Variants in PGBD5 observed in about 807,000 individuals in gnomAD.
PGBD5 encodes piggyBac transposable element-derived protein 5.
In PGBD5, 14 loss-of-function variants were observed where a neutral mutation model predicts 47.9. The ratio of observed to expected loss-of-function variants is 0.29; its 90% CI spans 0.19 to 0.46. The LOEUF is 0.46. PGBD5 is among the 20% of genes least tolerant of loss of function. PGBD5 has a pLI of 1.00. For missense variants in PGBD5, 635 were observed against 716.0 expected (o/e 0.89, Z 1.29); for synonymous variants, 316 against 306.3 (o/e 1.03, Z -0.33).
At chr1:230,350,845 A>C (rs1270648859) in intron 3 of PGBD5, 113 bp downstream of exon 3, 1 of 1,437,794 alleles carries the variant, frequency 7.0e-7, no homozygotes, top group African/African-American at 1.4e-5. Flanking sequence ...ACTTGGACCC[A>C]CAGTGAAAAG....
chr1:230,391,727 T>C (rs1490899266), intron 1 of PGBD5, among the ~76,000 whole-genome samples: 1 of 152,228 alleles, frequency 6.6e-6, no homozygotes, highest in Non-Finnish European at 1.5e-5. Context: ...TAGGAGGATA[T>C]GCTATTTCCA....
intron 1 of PGBD5, among the ~76,000 whole-genome samples, chr1:230,424,802 G>A (rs1657735985): frequency 6.6e-6 from 1 of 152,216 alleles, no homozygotes; most frequent in Non-Finnish European, 1.5e-5. Flanking sequence ...CGGAGCTTCT[G>A]CAGAGGAAGT....
chr1:230,319,416 A>C lies in PGBD5; in HGVS notation c.*4009T>G, dbSNP rs1005420013. 6 of 151,850 alleles carry C rather than the reference A, an allele frequency of 4.0e-5. No homozygotes were observed. The highest frequency in any genetic ancestry group is 4.4e-5 in the Non-Finnish European group (3 of 67,966). The allele number at this position is 151,850 out of a possible 1,614,324, so 9.4% of individuals were successfully genotyped here. ...CTTGTTCTCGCCCCAATCCCAGGCAAGTGGGGAAATGTTTTTTTTTTGCCA... is the reference window on the plus strand; with the variant it reads ...CTTGTTCTCGCCCCAATCCCAGGCACGTGGGGAAATGTTTTTTTTTTGCCA... On this transcript the variant is annotated 3_prime_UTR_variant, in exon 7 of 7. Coordinates refer to ENST00000391860, the MANE Select transcript of PGBD5 (RefSeq NM_001258311.2).
Position 230,399,550 on chromosome 1 carries a change from C to T in PGBD5, c.331+26048G>A, listed in dbSNP as rs188430541. Among the ~76,000 whole-genome samples the T allele has an allele frequency of 1.8e-3, 275 of 152,268 alleles. 1 individual carries two copies. Among genetic ancestry groups the T allele is most frequent in the South Asian group, 6.4e-3 (31 of 4,818 alleles). ...AGAAGGCAGGTACATGCCATCTCCT[C>T]GACACCCCTGAATTCAGCCATCATG... is the stretch of plus-strand genomic sequence containing the variant. On this transcript the variant is annotated intron_variant, in intron 1 of 6. Transcript: ENST00000391860.
Position 230,426,063 on chromosome 1 carries a change from C to A in PGBD5, c.-135G>T. 9.5e-6 allele frequency: 3 copies of A among 316,620 alleles called. No individual in the cohort carries two copies. Among genetic ancestry groups the A allele is most frequent in the Non-Finnish European group, 1.4e-5 (3 of 221,674 alleles). 19.6% of individuals were successfully genotyped at this position (316,620 alleles called of 1,614,324 possible). A position where few individuals can be genotyped will look rare whatever the true frequency, so the allele number is the denominator to read the frequency against. On this transcript the variant is annotated 5_prime_UTR_variant, in exon 1 of 7. Coordinates refer to ENST00000391860, the MANE Select transcript of PGBD5 (RefSeq NM_001258311.2). The stretch of plus-strand genomic sequence containing the variant: ...ACAGCGCCCGCCGCCCCGTGCCCGG[C>A]CGGCCCGCCGTCTTGGCCGCCTCGG...
At chr1:230,342,204 A>G (rs1292330384) in intron 3 of PGBD5, among the ~76,000 whole-genome samples, 1 of 152,168 alleles carries the variant, frequency 6.6e-6, no homozygotes, top group Non-Finnish European at 1.5e-5. Context: ...TGATAGTTCC[A>G]CTAAGCTGTT....
chr1:230,361,290 A>C (rs2102709328), intron 1 of PGBD5, among the ~76,000 whole-genome samples: 1 of 152,312 alleles, frequency 6.6e-6, no homozygotes, highest in African/African-American at 2.4e-5. Flanking sequence ...AAAAAAAATT[A>C]AAAAGCAAAG....
intron 1 of PGBD5, among the ~76,000 whole-genome samples, chr1:230,419,553 A>T (rs1657602740): frequency 6.6e-6 from 1 of 152,120 alleles, no homozygotes; most frequent in Non-Finnish European, 1.5e-5. Context: ...CCTGAGTCTA[A>T]AATAAAAGGT....
At chr1:230,372,030 G>T (rs938724738) in intron 1 of PGBD5, among the ~76,000 whole-genome samples, 8 of 152,214 alleles carry the variant, frequency 5.3e-5, no homozygotes, top group African/African-American at 1.7e-4. Flanking sequence ...CCAACACTCA[G>T]TGGCCCGTAT....
chr1:230,337,701 T>C (rs114246386), intron 3 of PGBD5, among the ~76,000 whole-genome samples: 1,734 of 152,328 alleles, frequency 0.011, 38 homozygotes, highest in African/African-American at 0.039. Flanking sequence ...CAAGGTATGT[T>C]CATAATGACT....
intron 5 of PGBD5, among the ~76,000 whole-genome samples, chr1:230,326,766 C>T (rs1485379714): frequency 6.6e-6 from 1 of 152,190 alleles, no homozygotes; most frequent in East Asian, 1.9e-4. Context: ...CGAGCCTCCA[C>T]GCGCAGCCAA....
chr1:230,328,993 C>T (rs910093433), intron 5 of PGBD5, among the ~76,000 whole-genome samples: 3 of 151,790 alleles, frequency 2.0e-5, no homozygotes, highest in African/African-American at 7.3e-5. Flanking sequence ...AGTGCAGTGT[C>T]ACGATCTTGG....
intron 1 of PGBD5, among the ~76,000 whole-genome samples, chr1:230,396,998 TC>T (rs1199869154): frequency 6.6e-6 from 1 of 151,620 alleles, no homozygotes; most frequent in Non-Finnish European, 1.5e-5. Flanking sequence ...GCCTTGGGGG[TC>T]CTTTCTAAGG....
chr1:230,362,077 T>C (rs185453436), intron 1 of PGBD5, among the ~76,000 whole-genome samples: 1 of 152,352 alleles, frequency 6.6e-6, no homozygotes, highest in East Asian at 1.9e-4. Flanking sequence ...CATGAGGGTC[T>C]GGTCACTGTC....
intron 1 of PGBD5, chr1:230,362,517 C>T: frequency 8.6e-7 from 1 of 1,156,206 alleles, no homozygotes; most frequent in South Asian, 1.6e-5. Context: ...GCATCACCTT[C>T]TGGGGGAACC....
At chr1:230,325,273 G>A (rs745460876) in intron 6 of PGBD5, 37 bp downstream of exon 6, 1 of 1,449,116 alleles carries the variant, frequency 6.9e-7, no homozygotes, top group Non-Finnish European at 9.6e-7. Flanking sequence ...GCACAACTAT[G>A]AGAGCCCTTC....
At chr1:230,404,128 CTG>C (rs2102743771) in intron 1 of PGBD5, among the ~76,000 whole-genome samples, 1 of 152,184 alleles carries the variant, frequency 6.6e-6, no homozygotes, top group South Asian at 2.1e-4. Context: ...AGCTATGAGA[CTG>C]TGAGGGTGCA....
intron 1 of PGBD5, among the ~76,000 whole-genome samples, chr1:230,384,685 A>G (rs1656592788): frequency 6.6e-6 from 1 of 152,228 alleles, no homozygotes; most frequent in Non-Finnish European, 1.5e-5. Flanking sequence ...GAACAAGAGC[A>G]CTAGGTGTGT....
At chr1:230,394,655 C>T (rs1411227843) in intron 1 of PGBD5, among the ~76,000 whole-genome samples, 11 of 132,008 alleles carry the variant, frequency 8.3e-5, no homozygotes, top group East Asian at 2.5e-4. Context: ...ACGCTCCTCC[C>T]AATCCCCAAG....
Sources: allele counts gnomAD v4.1 joint callset (sites outside exome capture counted in the v4.1 genomes callset), GRCh38; gene constraint gnomAD v4.1.1; transcripts MANE v1.5; gene names NCBI Gene and HGNC (gene_info 2026-07-23, HGNC 2026-07-21).